LARP1: variants seen among roughly 807,000 people sequenced by gnomAD.
The protein encoded by LARP1 is La ribonucleoprotein 1, translational regulator, also known as la-related protein 1.
Under a neutral mutation model 122.7 loss-of-function variants are expected in LARP1, and 36 were observed. The observed-to-expected ratio is 0.29, with a 90% CI of 0.22 to 0.39. The LOEUF (loss-of-function observed/expected upper bound fraction) is 0.39, where lower values mean the gene tolerates loss of function less well. LARP1 is among the 10% of genes least tolerant of loss of function. The pLI, the probability that LARP1 is intolerant of heterozygous loss-of-function variation, is 1.00. For synonymous variants in LARP1, 539 were observed against 528.7 expected, an observed-to-expected ratio of 1.02 and a Z score of -0.27; for missense variants, 1,040 against 1,403.6, an observed-to-expected ratio of 0.74 and a Z score of 4.14.
At position 154,802,012 on chromosome 5, in the gene LARP1, A is replaced by G; in HGVS notation, c.1722A>G (p.Ser574=). ...CTTCGTCTGTCCTATTTTAGAAGTC[A>G]GAGGAGTCCAGATTTTCCCACCTGA... ...PRPSPARPKK[S]EESRFSHLTS... Residue 574 remains serine (S), a synonymous_variant, in exon 11 of 19, where the codon TCA becomes TCG. Coordinates refer to ENST00000518297, the MANE Select transcript of LARP1 (RefSeq NM_033551.3). The surrounding 1 kb of genome is among the most constrained non-coding windows in gnomAD (Gnocchi z 5.1). 3 of 1,611,012 alleles carry G rather than the reference A, an allele frequency of 1.9e-6. No homozygotes were observed. Among genetic ancestry groups the G allele is most frequent in the African/African-American group, 2.7e-5 (2 of 74,956 alleles).
intron 16 of LARP1, among the ~76,000 whole-genome samples, 186 bp from the exon 17 acceptor site, chr5:154,811,061 C>T (rs1257770439): frequency 1.3e-5 from 2 of 152,208 alleles, no homozygotes; most frequent in African/African-American, 4.8e-5. Flanking sequence ...TCCTTGACTG[C>T]AGGAAATCTC....
chr5:154,772,980 CTTTTTTTTTTT>C (rs545991732), intron 1 of LARP1, among the ~76,000 whole-genome samples: 47 of 115,110 alleles, frequency 4.1e-4, no homozygotes, highest in South Asian at 2.3e-3. Context: ...CGCACCTGGC[CTTTTTTTTTTT>C]TTTTTTTTTT....
Position 154,805,900 on chromosome 5 carries a change from A to G in LARP1, c.2566A>G (p.Thr856Ala). 6.2e-7 allele frequency: 1 copy of G among 1,614,054 alleles called. No individual in the cohort carries two copies. The highest frequency in any genetic ancestry group is 8.5e-7 in the Non-Finnish European group (1 of 1,180,006). ...CTGTAGCTCCAGCCCCTCAGAAGGG[A>G]CGCCTACAGTTGGCAGCTATGGCTG... ...ASISSSPSEG[T>A]PTVGSYGCTP... is the part of the protein sequence containing the mutation. Residue 856 changes from threonine to alanine, a missense_variant, in exon 15 of 19, where the codon ACG (threonine) becomes GCG (alanine). Thr to Ala is a moderately conservative substitution (Grantham distance 58). Coordinates refer to ENST00000518297, the MANE Select transcript of LARP1 (RefSeq NM_033551.3).
Position 154,802,161 on chromosome 5 carries a change from C to T in LARP1, c.1871C>T (p.Thr624Ile), listed in dbSNP as rs1489013960. ...ATGGATGGGCGGAAGAACACCTTCA[C>T]TGCCTGGTCTGATGAGGAATCTGAC... ...EQMDGRKNTF[T>I]AWSDEESDYE... Residue 624 changes from threonine to isoleucine, a missense_variant, in exon 11 of 19, where the codon ACT (threonine) becomes ATT (isoleucine). Thr to Ile is a moderately conservative substitution (Grantham distance 89). Coordinates refer to ENST00000518297, the MANE Select transcript of LARP1 (RefSeq NM_033551.3). The surrounding 1 kb of genome is among the most constrained non-coding windows in gnomAD (Gnocchi z 5.1). The T allele has an allele frequency of 2.5e-6, 4 of 1,614,198 alleles. No homozygotes were observed. Among genetic ancestry groups the T allele is most frequent in the Non-Finnish European group, 3.4e-6 (4 of 1,180,042 alleles).
intron 1 of LARP1, among the ~76,000 whole-genome samples, chr5:154,685,360 C>G (rs552396781): frequency 2.0e-5 from 3 of 152,290 alleles, no homozygotes; most frequent in South Asian, 2.1e-4. Flanking sequence ...TCCACCACAA[C>G]GGCCACCTAT....
chr5:154,701,433 G>T (rs1754705794), intron 1 of LARP1, among the ~76,000 whole-genome samples: 1 of 152,084 alleles, frequency 6.6e-6, no homozygotes, highest in African/African-American at 2.4e-5. Context: ...ACCATATGTT[G>T]CTTGGGAAGC....
At chr5:154,697,291 T>G (rs754524941) in intron 1 of LARP1, among the ~76,000 whole-genome samples, 5 of 151,844 alleles carry the variant, frequency 3.3e-5, no homozygotes, top group Admixed American at 6.6e-5. Context: ...CTAGCTTGAC[T>G]TTTCCCTTTG....
intron 1 of LARP1, among the ~76,000 whole-genome samples, chr5:154,689,208 C>T (rs1754078026): frequency 6.6e-6 from 1 of 152,160 alleles, no homozygotes; most frequent in Non-Finnish European, 1.5e-5. Flanking sequence ...AATCCCAGCA[C>T]TCTGGGAGGC....
chr5:154,775,782 C>T (rs1414212639), intron 1 of LARP1, among the ~76,000 whole-genome samples: 2 of 152,144 alleles, frequency 1.3e-5, no homozygotes, highest in Non-Finnish European at 2.9e-5. Flanking sequence ...TCCTGCAGTG[C>T]TGAGAGGGGT....
chr5:154,800,105 T>G (rs773151453), intron 10 of LARP1, 63 bp downstream of exon 10: 49 of 1,476,728 alleles, frequency 3.3e-5, no homozygotes, highest in Non-Finnish European at 4.4e-5. Context: ...TTGAAGGGGA[T>G]AACACATGGG....
chr5:154,684,326 C>T (rs980746153), intron 1 of LARP1, among the ~76,000 whole-genome samples: 5 of 152,034 alleles, frequency 3.3e-5, no homozygotes, highest in African/African-American at 9.7e-5. Context: ...GTGCCAGCTA[C>T]TTGGGAGGCT....
chr5:154,713,875 T>C (rs1191613846), intron 1 of LARP1, among the ~76,000 whole-genome samples: 1 of 152,190 alleles, frequency 6.6e-6, no homozygotes, highest in Non-Finnish European at 1.5e-5. Context: ...TTGGGGGAGC[T>C]GAGGTCTCCC....
chr5:154,707,732 A>G (rs1755019150), intron 1 of LARP1, among the ~76,000 whole-genome samples: 1 of 152,176 alleles, frequency 6.6e-6, no homozygotes, highest in Non-Finnish European at 1.5e-5. Context: ...AATTTTCTGC[A>G]ACTAGACGGT....
At chr5:154,806,987 C>T (rs1442935302) in intron 15 of LARP1, among the ~76,000 whole-genome samples, 1 of 152,216 alleles carries the variant, frequency 6.6e-6, no homozygotes, top group African/African-American at 2.4e-5. Flanking sequence ...TCCCCACCCC[C>T]AGAATCCTCC....
chr5:154,807,980 A>AT lies in LARP1; in HGVS notation c.2699-472dup, dbSNP rs552807235. 7.9e-5 allele frequency among the ~76,000 whole-genome samples: 12 copies of AT among 152,146 alleles called. No homozygotes were observed. The East Asian group carries it at 2.1e-3, about 27-fold the overall frequency. On this transcript the variant is annotated intron_variant, in intron 15 of 18. Transcript: ENST00000518297. ...TCTTTTCACTTTTTTGATGCACAAA[A>AT]TTTTTTTGTTTTAATGATATTCATT...
chr5:154,691,103 G>GA (rs11452527), intron 1 of LARP1, among the ~76,000 whole-genome samples: 65,859 of 149,180 alleles, frequency 0.44, 15,627 homozygotes, highest in Non-Finnish European at 0.54. Context: ...ACTAAAAAAA[G>GA]AAAAAAAAAT....
chr5:154,786,135 C>T (rs556321635), intron 1 of LARP1, among the ~76,000 whole-genome samples: 4 of 152,210 alleles, frequency 2.6e-5, no homozygotes, highest in South Asian at 2.1e-4. Context: ...CTCCGCCTCC[C>T]GGGTTCAAGC....
At chr5:154,724,910 G>T (rs940578879) in intron 1 of LARP1, among the ~76,000 whole-genome samples, 1 of 152,070 alleles carries the variant, frequency 6.6e-6, no homozygotes, top group African/African-American at 2.4e-5. Flanking sequence ...CAAGTGATCT[G>T]CCCACCTTGG....
chr5:154,752,660 C>T (rs556998471), upstream of LARP1, among the ~76,000 whole-genome samples: 1 of 152,016 alleles, frequency 6.6e-6, no homozygotes, highest in Admixed American at 6.5e-5. Context: ...TTGTCTCGGC[C>T]GGGCATGGTG....
Sources: allele counts gnomAD v4.1 joint callset (sites outside exome capture counted in the v4.1 genomes callset), GRCh38; gene constraint gnomAD v4.1.1; non-coding constraint Gnocchi (gnomAD v3.1); transcripts MANE v1.5; gene names NCBI Gene and HGNC (gene_info 2026-07-23, HGNC 2026-07-21).